SLC35F3: variants seen among roughly 807,000 people sequenced by gnomAD.
SLC35F3 encodes putative thiamine transporter SLC35F3.
In SLC35F3, 25 loss-of-function variants were observed where a neutral mutation model predicts 49.9. The observed-to-expected ratio is 0.50, with a 90% CI of 0.37 to 0.70. The LOEUF (loss-of-function observed/expected upper bound fraction) is 0.70. Among genes scored for constraint, SLC35F3 ranks in the 30% least tolerant of loss-of-function variants. The pLI is 0.00. For missense variants in SLC35F3, 525 were observed against 639.8 expected, an observed-to-expected ratio of 0.82 and a Z score of 1.94; for synonymous variants, 275 against 265.4, an observed-to-expected ratio of 1.04 and a Z score of -0.35.
rs530658985 is a variant in SLC35F3, at chr1:234,022,503, A to C, written c.283+116745A>C. Among the ~76,000 whole-genome samples the C allele has an allele frequency of 7.4e-4, 113 of 152,256 alleles. 1 individual carries two copies. In the Middle Eastern group the frequency reaches 0.01, roughly 14 times the overall value. On this transcript the variant is annotated intron_variant, in intron 2 of 7. Transcript: ENST00000366618. ...CTCAAGGCCTTCAACTGATTAGAGG[A>C]GGCCCACCCACATTATGGAATGCAG...
intron 2 of SLC35F3, among the ~76,000 whole-genome samples, chr1:234,225,754 A>C (rs1248633337): frequency 1.3e-5 from 2 of 152,268 alleles, no homozygotes; most frequent in African/African-American, 4.8e-5. Context: ...CATTCTTCAC[A>C]GCAGCCCCAA....
At chr1:234,039,520 A>G (rs989886953) in intron 2 of SLC35F3, among the ~76,000 whole-genome samples, 6 of 152,206 alleles carry the variant, frequency 3.9e-5, no homozygotes, top group Admixed American at 3.3e-4. Context: ...GAAATTGCTG[A>G]GTGAGAAAGT....
intron 2 of SLC35F3, among the ~76,000 whole-genome samples, chr1:234,148,702 C>T (rs974831070): frequency 6.6e-6 from 1 of 152,142 alleles, no homozygotes; most frequent in African/African-American, 2.4e-5. Context: ...TTGACAAAAA[C>T]GAAAGCAGGG....
At chr1:233,951,455 A>G (rs1662607054) in intron 2 of SLC35F3, among the ~76,000 whole-genome samples, 1 of 152,012 alleles carries the variant, frequency 6.6e-6, no homozygotes, top group Non-Finnish European at 1.5e-5. Flanking sequence ...CTTTCTTTAA[A>G]AAAAAAATCC....
At position 234,231,404 on chromosome 1, in the gene SLC35F3, T is replaced by G; in HGVS notation, c.284-13T>G. On this transcript the variant is annotated splice_polypyrimidine_tract_variant and intron_variant, in intron 2 of 7. Coordinates refer to ENST00000366618, the MANE Select transcript of SLC35F3 (RefSeq NM_173508.4). The surrounding 1 kb of genome is among the most constrained non-coding windows in gnomAD (Gnocchi z 5.4). ...TCTGCAGGCCCCGCTAACCACGCCC[T>G]TCTCTTCCCCAGGGGAGGAGCGCCC... 6.6e-7 allele frequency: 1 copy of G among 1,516,116 alleles called. No individual in the cohort carries two copies. The allele number at this position is 1,516,116 out of a possible 1,614,324, so 93.9% of individuals were successfully genotyped here.
intron 2 of SLC35F3, among the ~76,000 whole-genome samples, chr1:233,968,821 C>G (rs1662944069): frequency 6.6e-6 from 1 of 152,170 alleles, no homozygotes; most frequent in Admixed American, 6.5e-5. Flanking sequence ...CCCTCCCACT[C>G]TCCCTCTTCT....
intron 2 of SLC35F3, among the ~76,000 whole-genome samples, chr1:233,978,800 C>A (rs998853123): frequency 6.6e-6 from 1 of 152,064 alleles, no homozygotes; most frequent in African/African-American, 2.4e-5. Context: ...GAGGCCGAGG[C>A]GGGCGGATCA....
intron 2 of SLC35F3, among the ~76,000 whole-genome samples, chr1:234,048,000 C>G (rs554903546): frequency 6.6e-6 from 1 of 152,120 alleles, no homozygotes; most frequent in African/African-American, 2.4e-5. Flanking sequence ...TGGTCTCAGA[C>G]AGAAATGGGG....
chr1:234,192,388 A>G (rs141198290), intron 2 of SLC35F3, among the ~76,000 whole-genome samples: 316 of 152,352 alleles, frequency 2.1e-3, no homozygotes, highest in Middle Eastern at 6.8e-3. Flanking sequence ...AGCATTTGAC[A>G]AAGTCCAGCA....
At chr1:234,115,438 C>T (rs1665471806) in intron 2 of SLC35F3, among the ~76,000 whole-genome samples, 2 of 152,078 alleles carry the variant, frequency 1.3e-5, no homozygotes, top group Admixed American at 1.3e-4. Flanking sequence ...CAAAGCATTT[C>T]CCCAGGAACA....
chr1:234,297,116 T>A lies in SLC35F3; in HGVS notation c.609-11985T>A, dbSNP rs534813643. Among the ~76,000 whole-genome samples the A allele has an allele frequency of 3.3e-5, 5 of 152,342 alleles. No individual in the cohort carries two copies. In the South Asian group the frequency reaches 1.0e-3, roughly 32 times the overall value. On this transcript the variant is annotated intron_variant, in intron 3 of 7. Transcript: ENST00000366618. The stretch of plus-strand genomic sequence containing the variant: ...AACTACAGTGAGATACCACCTCACA[T>A]CTGTTAGAATGGCTGCCATCATAAG...
At chr1:234,066,664 T>C (rs1309630408) in intron 2 of SLC35F3, among the ~76,000 whole-genome samples, 1 of 152,110 alleles carries the variant, frequency 6.6e-6, no homozygotes, top group African/African-American at 2.4e-5. Context: ...ACTTCTCAAA[T>C]AGAAGTTGGA....
intron 2 of SLC35F3, among the ~76,000 whole-genome samples, chr1:234,220,752 G>A (rs1034146605): frequency 6.6e-6 from 1 of 152,200 alleles, no homozygotes; most frequent in Non-Finnish European, 1.5e-5. Context: ...ATACAGCTTT[G>A]AAGATTATGC....
In SLC35F3 at chr1:233,905,862, C is replaced by G; in HGVS notation, c.283+104C>G. 3 of 1,065,926 alleles carry G rather than the reference C, an allele frequency of 2.8e-6. No homozygotes were observed. The African/African-American group carries it at 4.7e-5, about 17-fold the overall frequency. The allele number at this position is 1,065,926 out of a possible 1,614,324, so 66.0% of individuals were successfully genotyped here. A position where few individuals can be genotyped will look rare whatever the true frequency, so the allele number is the denominator to read the frequency against. On this transcript the variant is annotated intron_variant, in intron 2 of 7. Coordinates refer to ENST00000366618, the MANE Select transcript of SLC35F3 (RefSeq NM_173508.4). Reference sequence around the variant, plus strand: ...GCAGTGAGGCGTCCAGCCACCCCCTCCCGCCCTGCCTGCTGATACAGACCC... The same window carrying G: ...GCAGTGAGGCGTCCAGCCACCCCCTGCCGCCCTGCCTGCTGATACAGACCC...
At chr1:234,071,723 G>A (rs1572040773) in intron 2 of SLC35F3, among the ~76,000 whole-genome samples, 1 of 152,316 alleles carries the variant, frequency 6.6e-6, no homozygotes, top group African/African-American at 2.4e-5. Flanking sequence ...GCTTCAAAAG[G>A]TGTCTAATTT....
At chr1:234,028,416 C>G (rs1216848130) in intron 2 of SLC35F3, among the ~76,000 whole-genome samples, 1 of 152,114 alleles carries the variant, frequency 6.6e-6, no homozygotes, top group Non-Finnish European at 1.5e-5. Context: ...GGGCTGTGGT[C>G]CAGTTGGTGA....
intron 2 of SLC35F3, among the ~76,000 whole-genome samples, chr1:234,139,435 T>G (rs1184510108): frequency 6.6e-6 from 1 of 152,174 alleles, no homozygotes; most frequent in Non-Finnish European, 1.5e-5. Context: ...ACATTATACT[T>G]TTTAAAAATC....
At chr1:234,179,698 AG>A (rs1177609964) in intron 2 of SLC35F3, among the ~76,000 whole-genome samples, 1 of 151,896 alleles carries the variant, frequency 6.6e-6, no homozygotes, top group Non-Finnish European at 1.5e-5. Context: ...TTATGAGCCA[AG>A]GACATGGCAT....
At chr1:234,197,700 C>G (rs561219280) in intron 2 of SLC35F3, among the ~76,000 whole-genome samples, 2 of 152,350 alleles carry the variant, frequency 1.3e-5, no homozygotes, top group African/African-American at 4.8e-5. Flanking sequence ...CAAGCCTGCT[C>G]TCACTCCCCA....
Sources: allele counts gnomAD v4.1 joint callset (sites outside exome capture counted in the v4.1 genomes callset), GRCh38; gene constraint gnomAD v4.1.1; non-coding constraint Gnocchi (gnomAD v3.1); transcripts MANE v1.5; gene names NCBI Gene and HGNC (gene_info 2026-07-23, HGNC 2026-07-21).